GPRIN1: variants seen among roughly 807,000 people sequenced by gnomAD.
GPRIN1 encodes G protein regulated inducer of neurite outgrowth 1.
In GPRIN1, 4 loss-of-function variants were observed where a neutral mutation model predicts 2.8. The observed-to-expected ratio is 1.45, with a 90% confidence interval of 0.71 to 3.32. The LOEUF (loss-of-function observed/expected upper bound fraction) is 3.32, where lower values mean the gene tolerates loss of function less well. Among genes scored for constraint, GPRIN1 ranks in the 30% most tolerant of loss-of-function variants. GPRIN1 has a pLI of 0.01. For missense variants in GPRIN1, 1,322 were observed against 1,343.4 expected, an observed-to-expected ratio of 0.98 and a Z score of 0.25; for synonymous variants, 589 against 589.9, an observed-to-expected ratio of 1.00 and a Z score of 0.02.
chr5:176,607,830 G>C (rs1215887017), intron 1 of GPRIN1, among the ~76,000 whole-genome samples: 1 of 148,420 alleles, frequency 6.7e-6, no homozygotes, highest in Admixed American at 6.8e-5. Context: ...AGGGAAGGCT[G>C]TAGCTCAAAG....
At position 176,598,510 on chromosome 5, in the gene GPRIN1, C is replaced by A. The variant is rs201438977; in HGVS notation, c.1325G>T (p.Arg442Leu). 30 of 1,614,136 alleles carry A rather than the reference C, an allele frequency of 1.9e-5. No homozygotes were observed. The South Asian group carries it at 3.2e-4, about 17-fold the overall frequency. ...AGTTCCTGCCTTTCCCACAGACACA[C>A]GCTCTGCCTGTCCAGGAGACAAGAG... ...PELLSPGQAE[R>L]VSVGKAGTVS... Residue 442 changes from arginine (R) to leucine (L), a missense_variant, in exon 2 of 2, where the codon CGT becomes CTT. By Grantham distance (102) the Arg-to-Leu change is moderately radical. This residue lies in a region of GPRIN1 where 1,117 missense variants were observed against 1,128.6 expected (regional missense o/e 0.99). Coordinates refer to ENST00000303991, the MANE Select transcript of GPRIN1 (RefSeq NM_052899.3).
At chr5:176,606,140 C>T (rs1759217324) in intron 1 of GPRIN1, among the ~76,000 whole-genome samples, 4 of 152,202 alleles carry the variant, frequency 2.6e-5, no homozygotes, top group African/African-American at 9.7e-5. Flanking sequence ...AAGCAACGCC[C>T]TTCTCCTCCT....
chr5:176,597,455 AGTT>A lies in GPRIN1; in HGVS notation c.2377_2379del (p.Asn793del), dbSNP rs1759061076. 3 of 1,311,172 alleles carry A rather than the reference AGTT, an allele frequency of 2.3e-6. No homozygotes were observed. The highest frequency in any genetic ancestry group is 2.9e-6 in the Non-Finnish European group (3 of 1,034,092). The allele number at this position is 1,311,172 out of a possible 1,614,324, so 81.2% of individuals were successfully genotyped here. On this transcript the variant is annotated inframe_deletion, in exon 2 of 2. Transcript: ENST00000303991. This position sits in a 1 kb window ranked among gnomAD's most constrained non-coding sequence, Gnocchi z 6.1. ...GCCTCCCACGACGGCGCCTTGGTGA[AGTT>A]GTCGCGAGTCCGCGGCCCCGGCGGG...
intron 1 of GPRIN1, among the ~76,000 whole-genome samples, chr5:176,608,935 T>A (rs932403285): frequency 6.6e-6 from 1 of 152,226 alleles, no homozygotes; most frequent in Non-Finnish European, 1.5e-5. Context: ...CTGCTGCCCC[T>A]CGTCCCCTTC....
chr5:176,599,521 G>T lies in GPRIN1; in HGVS notation c.314C>A (p.Pro105His). The change falls in exon 2 of 2, where the codon CCC becomes CAC. Residue 105 changes from proline (P) to histidine (H), a missense_variant. By Grantham distance (77) the Pro-to-His change is moderately conservative (BLOSUM62 -2). Around this residue, in one of 3 missense-constraint regions of GPRIN1, gnomAD observed 1,117 missense variants for 1,128.6 expected, o/e 0.99. Coordinates refer to ENST00000303991, the MANE Select transcript of GPRIN1 (RefSeq NM_052899.3). The part of the protein sequence containing the change: ...SPTCFSPQES[P>H]SKETLEAHGA... ...ATGTGCCTCCAATGTCTCCTTGGAGGGTGACTCCTGGGGAGAGAAGCAGGT... is the reference window on the plus strand; with the variant it reads ...ATGTGCCTCCAATGTCTCCTTGGAGTGTGACTCCTGGGGAGAGAAGCAGGT... The T allele has an allele frequency of 3.1e-6, 5 of 1,607,052 alleles. No individual in the cohort carries two copies. Among genetic ancestry groups the T allele is most frequent in the Non-Finnish European group, 4.3e-6 (5 of 1,175,984 alleles).
rs918945168 is a variant in GPRIN1, at chr5:176,598,719, C to T, written c.1116G>A (p.Arg372=). 1 of 1,614,052 alleles carries T rather than the reference C, an allele frequency of 6.2e-7. No individual in the cohort carries two copies. Among genetic ancestry groups the T allele is most frequent in the Non-Finnish European group, 8.5e-7 (1 of 1,180,036 alleles). The part of the protein sequence containing the change: ...ETVPATKEDS[R]FLGKMDPASS... ...AGGCAGGGTCCATCTTTCCCAGGAACCGGGAGTCCTCTTTTGTGGCAGGCA... is the reference window on the plus strand; with the variant it reads ...AGGCAGGGTCCATCTTTCCCAGGAATCGGGAGTCCTCTTTTGTGGCAGGCA... Residue 372 remains arginine (R), a synonymous_variant, in exon 2 of 2, where the codon CGG becomes CGA. Transcript: ENST00000303991.
intron 1 of GPRIN1, among the ~76,000 whole-genome samples, chr5:176,601,009 G>T (rs1759141227): frequency 6.6e-6 from 1 of 152,122 alleles, no homozygotes; most frequent in South Asian, 2.1e-4. Context: ...GCAACCTGGT[G>T]GTCCCAGTTC....
At chr5:176,601,367 T>G (rs550265123) in intron 1 of GPRIN1, among the ~76,000 whole-genome samples, 1 of 152,298 alleles carries the variant, frequency 6.6e-6, no homozygotes, top group East Asian at 1.9e-4. Flanking sequence ...CAACAGGCCC[T>G]GAGCAGTTGC....
Position 176,599,809 on chromosome 5 carries a change from C to T in GPRIN1, c.26G>A (p.Trp9Ter). 6.7e-7 allele frequency: 1 copy of T among 1,494,742 alleles called. No individual in the cohort carries two copies. Among genetic ancestry groups the T allele is most frequent in the Non-Finnish European group, 8.9e-7 (1 of 1,120,668 alleles). The allele number at this position is 1,494,742 out of a possible 1,614,324, so 92.6% of individuals were successfully genotyped here. A position where few individuals can be genotyped will look rare whatever the true frequency, so the allele number is the denominator to read the frequency against. MDTAEDPA[W>*]LQLLQKDSSP... The stretch of plus-strand genomic sequence containing the variant: ...GGAATCCTTTTGAAGCAGCTGGAGC[C>T]AGGCCGGGTCTTCAGCAGTGTCCAT... The change falls in exon 2 of 2, where the codon TGG (tryptophan) becomes TAG (stop). Residue 9 changes from tryptophan to a stop codon, truncating the protein, a stop_gained. Transcript: ENST00000303991. LOFTEE classifies it low-confidence loss of function (END_TRUNC).
Position 176,599,756 on chromosome 5 carries a change from A to G in GPRIN1, c.79T>C (p.Phe27Leu), listed in dbSNP as rs1400393963. The change falls in exon 2 of 2, where the codon TTC (phenylalanine) becomes CTC (leucine). Residue 27 changes from phenylalanine to leucine, a missense_variant. This residue lies in a region of GPRIN1 where 1,117 missense variants were observed against 1,128.6 expected (regional missense o/e 0.99). Coordinates refer to ENST00000303991, the MANE Select transcript of GPRIN1 (RefSeq NM_052899.3). ...AGGCTCCCATCCTGTGGGCAGAAGA[A>G]GGCTGTGGGTCGGGGTCCTGGGGGG... Reference protein sequence around the residue: ...SSPPGPRPTAFFCPQDGSLGA... With the variant: ...SSPPGPRPTALFCPQDGSLGA... 6.5e-7 allele frequency: 1 copy of G among 1,532,626 alleles called. No individual in the cohort carries two copies. The highest frequency in any genetic ancestry group is 8.8e-7 in the Non-Finnish European group (1 of 1,139,826). The allele number at this position is 1,532,626 out of a possible 1,614,324, so 94.9% of individuals were successfully genotyped here.
At position 176,599,664 on chromosome 5, in the gene GPRIN1, G is replaced by C. The variant is rs139277418; in HGVS notation, c.171C>G (p.Pro57=). ...CTGGGCTTTGGTCAGGGGTGTGCCT[G>C]GGGGGTGCAGGGCTTGCCTTTTGCT... ...PSQQKASPAP[P]RHTPDQSPGM... The change falls in exon 2 of 2, where the codon CCC becomes CCG. Residue 57 remains proline, a synonymous_variant. Coordinates refer to ENST00000303991, the MANE Select transcript of GPRIN1 (RefSeq NM_052899.3). 2.6e-4 allele frequency: 412 copies of C among 1,558,272 alleles called. No homozygotes were observed. The highest frequency in any genetic ancestry group is 4.3e-4 in the South Asian group (36 of 83,420).
rs766572439 is a variant in GPRIN1 at position 176,598,096 on chromosome 5, C to T, written c.1739G>A (p.Gly580Glu). The change falls in exon 2 of 2, where the codon GGA (glycine) becomes GAA (glutamate). Residue 580 changes from glycine to glutamate, a missense_variant. Gly to Glu is a moderately conservative substitution (Grantham distance 98). Transcript: ENST00000303991. ...VSIGKVVSTP[G>E]KTVPVPSGKV... ...CCCCGAGGGCACCGGGACTGTTTTT[C>T]CTGGAGTTGAGACCACTTTACCTAT... The T allele has an allele frequency of 6.2e-7, 1 of 1,613,502 alleles. No homozygotes were observed. The highest frequency in any genetic ancestry group is 8.5e-7 in the Non-Finnish European group (1 of 1,180,018).
chr5:176,602,545 T>TGGCTCAAAACCCTCCTC lies in GPRIN1; in HGVS notation c.-43-2685_-43-2669dup, dbSNP rs1759161980. On this transcript the variant is annotated intron_variant, in intron 1 of 1. Coordinates refer to ENST00000303991, the MANE Select transcript of GPRIN1 (RefSeq NM_052899.3). The surrounding 1 kb of genome is among the most constrained non-coding windows in gnomAD (Gnocchi z 4.4). ...GATGCAGAGCCACCTGTGCCCTCCTTGGCTCAAAACCCTCCTCATTCTTGC... is the reference window on the plus strand; with the variant it reads ...GATGCAGAGCCACCTGTGCCCTCCTTGGCTCAAAACCCTCCTCGGCTCAAAACCCTCCTCATTCTTGC... Among the ~76,000 whole-genome samples, 1 of 152,322 alleles carries TGGCTCAAAACCCTCCTC rather than the reference T, an allele frequency of 6.6e-6. No homozygotes were observed. Among genetic ancestry groups the TGGCTCAAAACCCTCCTC allele is most frequent in the East Asian group, 1.9e-4 (1 of 5,188 alleles).
intron 1 of GPRIN1, among the ~76,000 whole-genome samples, chr5:176,601,807 C>A (rs1417984201): frequency 6.6e-6 from 1 of 152,132 alleles, no homozygotes; most frequent in Non-Finnish European, 1.5e-5. Flanking sequence ...ATGGAGTTAC[C>A]ATCAGAATAT....
At position 176,597,719 on chromosome 5, in the gene GPRIN1, A is replaced by C. The variant is rs779926944; in HGVS notation, c.2116T>G (p.Ser706Ala). Reference protein sequence around the residue: ...SAPSRKTESPSLGKVVPLSLE... With the variant: ...SAPSRKTESPALGKVVPLSLE... Reference sequence around the variant, plus strand: ...CTCAGGGGGACCACCTTCCCCAAGGATGGGGACTCCGTTTTTCTGGAAGGT... The same window carrying C: ...CTCAGGGGGACCACCTTCCCCAAGGCTGGGGACTCCGTTTTTCTGGAAGGT... Residue 706 changes from serine (S) to alanine (A), a missense_variant, in exon 2 of 2, where the codon TCC becomes GCC. By Grantham distance (99) the Ser-to-Ala change is moderately conservative (BLOSUM62 1). Transcript: ENST00000303991. This position sits in a 1 kb window ranked among gnomAD's most constrained non-coding sequence, Gnocchi z 6.1. 6.3e-7 allele frequency: 1 copy of C among 1,597,680 alleles called. No individual in the cohort carries two copies. The highest frequency in any genetic ancestry group is 8.5e-7 in the Non-Finnish European group (1 of 1,171,978).
chr5:176,600,203 C>T (rs62402564), intron 1 of GPRIN1, among the ~76,000 whole-genome samples: 180 of 152,278 alleles, frequency 1.2e-3, no homozygotes, highest in Middle Eastern at 0.01. Context: ...TCACCGCAAC[C>T]GCAACCTCCG....
Position 176,599,551 on chromosome 5 carries a change from G to T in GPRIN1, c.284C>A (p.Ser95Tyr), listed in dbSNP as rs1416803892. The T allele has an allele frequency of 6.3e-7, 1 of 1,591,258 alleles. No individual in the cohort carries two copies. The highest frequency in any genetic ancestry group is 8.6e-7 in the Non-Finnish European group (1 of 1,168,692). The change falls in exon 2 of 2, where the codon TCC becomes TAC. Residue 95 changes from serine to tyrosine, a missense_variant. This residue lies in a region of GPRIN1 where 1,117 missense variants were observed against 1,128.6 expected (regional missense o/e 0.99). Transcript: ENST00000303991. The part of the protein sequence containing the change: ...DGPRGSLACP[S>Y]PTCFSPQESP... ...CTCCTGGGGAGAGAAGCAGGTTGGG[G>T]AGGGGCAGGCCAGGCTCCCTCTGGG...
chr5:176,608,891 C>T (rs781109921), intron 1 of GPRIN1, among the ~76,000 whole-genome samples: 2 of 152,222 alleles, frequency 1.3e-5, no homozygotes, highest in African/African-American at 4.8e-5. Context: ...TGAGGGACTT[C>T]GTCAGGCATC....
Position 176,598,298 on chromosome 5 carries a change from G to A in GPRIN1, c.1537C>T (p.Pro513Ser). ...AGPPSAVKAE[P>S]ATGGKGDPLS... is the part of the protein sequence containing the mutation. ...GGATCTCCTTTTCCCCCCGTCGCTG[G>A]CTCAGCCTTTACTGCAGATGGGGGA... The change falls in exon 2 of 2, where the codon CCA becomes TCA. Residue 513 changes from proline to serine, a missense_variant. Physicochemically the swap from Pro to Ser is moderately conservative, Grantham distance 74. Transcript: ENST00000303991. 1 of 1,613,776 alleles carries A rather than the reference G, an allele frequency of 6.2e-7. No individual in the cohort carries two copies. The highest frequency in any genetic ancestry group is 8.5e-7 in the Non-Finnish European group (1 of 1,179,892).
Sources: gnomAD v4.1 joint callset for allele counts (sites outside exome capture counted in the v4.1 genomes callset) on GRCh38, gnomAD v4.1.1 for gene constraint, gnomAD v4.1.1 regional missense constraint, Gnocchi (gnomAD v3.1) non-coding constraint, MANE v1.5 for transcripts, NCBI Gene and HGNC (gene_info 2026-07-23, HGNC 2026-07-21) for gene names.